Variants in SLC4A9 observed in about 807,000 individuals in gnomAD.
The protein encoded by SLC4A9 is anion exchange protein 4.
Under a neutral mutation model 103.2 loss-of-function variants are expected in SLC4A9, and 102 were observed. That is an observed-to-expected ratio of 0.99 (90% CI 0.84 to 1.17). The LOEUF (loss-of-function observed/expected upper bound fraction) is 1.17, where lower values mean the gene tolerates loss of function less well. Among genes scored for constraint, SLC4A9 ranks in the 50% most tolerant of loss-of-function variants. SLC4A9 has a pLI of 0.00. For synonymous variants in SLC4A9, 453 were observed against 483.6 expected (o/e 0.94, Z 0.83); for missense variants, 1,091 against 1,193.7 (o/e 0.91, Z 1.27).
In SLC4A9 at chr5:140,367,723, G is replaced by A. The variant is rs767479878; in HGVS notation, c.2179G>A (p.Gly727Arg). Residue 727 changes from glycine to arginine, a missense_variant, in exon 16 of 22, where the codon GGA becomes AGA. Coordinates refer to ENST00000506757, the MANE Select transcript of SLC4A9 (RefSeq NM_031467.3). ...TTGCCCCCACCACTACCTGCAGAAG[G>A]GAGCTGGCTTCCACCTGGACCTCTT... ...LNRMEYRLQKGAGFHLDLFCV... is the reference protein window; with the variant it reads ...LNRMEYRLQKRAGFHLDLFCV... The A allele has an allele frequency of 2.5e-5, 40 of 1,613,922 alleles. No homozygotes were observed. Among genetic ancestry groups the A allele is most frequent in the Non-Finnish European group, 3.4e-5 (40 of 1,179,822 alleles).
chr5:140,361,820 C>A lies in SLC4A9; in HGVS notation c.518C>A (p.Pro173Gln). 1.2e-6 allele frequency: 2 copies of A among 1,613,992 alleles called. No individual in the cohort carries two copies. The highest frequency in any genetic ancestry group is 2.2e-5 in the South Asian group (2 of 91,076). ...TCCTGTTTTGTAGGCTCTACTCATC[C>A]AAGAAAGGCTTCTGACAATGAGGAA... ...GTRPCWGSTH[P>Q]RKASDNEEAP... Residue 173 changes from proline to glutamine, a missense_variant, in exon 4 of 22, where the codon CCA becomes CAA. Transcript: ENST00000506757.
chr5:140,372,432 G>A, intron 20 of SLC4A9, 35 bp downstream of exon 20: 2 of 1,600,134 alleles, frequency 1.2e-6, no homozygotes, highest in Non-Finnish European at 1.7e-6. Flanking sequence ...AGGAGAATGT[G>A]TCAGGGTTTG....
intron 1 of SLC4A9, 155 bp downstream of exon 1, chr5:140,360,621 C>T: frequency 1.8e-6 from 2 of 1,122,296 alleles, no homozygotes; most frequent in Non-Finnish European, 2.5e-6. Flanking sequence ...TGATGCCCAG[C>T]CTCCTCTGCA....
Position 140,361,853 on chromosome 5 carries a change from T to C in SLC4A9, c.551T>C (p.Leu184Pro). 1 of 1,613,994 alleles carries C rather than the reference T, an allele frequency of 6.2e-7. No homozygotes were observed. The highest frequency in any genetic ancestry group is 8.5e-7 in the Non-Finnish European group (1 of 1,179,880). Residue 184 changes from leucine to proline, a missense_variant, in exon 4 of 22, where the codon CTG (leucine) becomes CCG (proline). Coordinates refer to ENST00000506757, the MANE Select transcript of SLC4A9 (RefSeq NM_031467.3). ...RKASDNEEAPLREQCQNPLRQ... is the reference protein window; with the variant it reads ...RKASDNEEAPPREQCQNPLRQ... ...GCTTCTGACAATGAGGAAGCCCCCCTGAGGGAACAGGTTTGTGGCCCTTCC... is the reference window on the plus strand; with the variant it reads ...GCTTCTGACAATGAGGAAGCCCCCCCGAGGGAACAGGTTTGTGGCCCTTCC...
Position 140,362,119 on chromosome 5 carries a change from C to A in SLC4A9, c.664C>A (p.Arg222=), listed in dbSNP as rs1045269384. ...FLAQPLGAFV[R]LRNPVVLGSL... ...GGCACAGCCACTGGGAGCCTTTGTT[C>A]GACTGCGGAACCCTGTGGTACTGGG... Residue 222 remains arginine (R), a synonymous_variant, in exon 5 of 22, where the codon CGA becomes AGA. Transcript: ENST00000506757. 4 of 1,576,350 alleles carry A rather than the reference C, an allele frequency of 2.5e-6. No individual in the cohort carries two copies. Among genetic ancestry groups the A allele is most frequent in the Admixed American group, 4.3e-5 (2 of 46,636 alleles).
At chr5:140,374,499 G>A (rs1286208230) in intron 21 of SLC4A9, among the ~76,000 whole-genome samples, 2 of 139,870 alleles carry the variant, frequency 1.4e-5, no homozygotes, top group Non-Finnish European at 3.0e-5. Flanking sequence ...GCAGTGAGCC[G>A]AGATTGCACC....
rs1424783225 is a variant in SLC4A9 at position 140,366,209 on chromosome 5, T to G, written c.1958T>G (p.Leu653Arg). 1 of 1,609,734 alleles carries G rather than the reference T, an allele frequency of 6.2e-7. No individual in the cohort carries two copies. The highest frequency in any genetic ancestry group is 8.5e-7 in the Non-Finnish European group (1 of 1,177,818). ...SVLAILLGCG[L>R]DAFLGLATPK... is the part of the protein sequence containing the mutation. The stretch of plus-strand genomic sequence containing the variant: ...CTGGCCATCCTGCTCGGCTGTGGCC[T>G]TGATGCTTTCCTGGGCCTAGCCACA... Residue 653 changes from leucine (L) to arginine (R), a missense_variant, in exon 14 of 22, where the codon CTT (leucine) becomes CGT (arginine). Physicochemically the swap from Leu to Arg is moderately radical, Grantham distance 102. Coordinates refer to ENST00000506757, the MANE Select transcript of SLC4A9 (RefSeq NM_031467.3).
In SLC4A9 at chr5:140,360,350, T is replaced by C. The variant is rs1766883131; in HGVS notation, c.114T>C (p.Asp38=). Residue 38 remains aspartate, a synonymous_variant, in exon 1 of 22, where the codon GAT becomes GAC. Coordinates refer to ENST00000506757, the MANE Select transcript of SLC4A9 (RefSeq NM_031467.3). ...ACCCTGGCACCGGCCCCAGCCCTGA[T>C]GGCCCCTCAGACACAGAGAGCAAGG... ...NPDPGTGPSP[D]GPSDTESKEL... 4 of 1,611,178 alleles carry C rather than the reference T, an allele frequency of 2.5e-6. No homozygotes were observed. The highest frequency in any genetic ancestry group is 2.5e-6 in the Non-Finnish European group (3 of 1,178,746).
chr5:140,362,142 G>T lies in SLC4A9; in HGVS notation c.687G>T (p.Leu229=). ...AFVRLRNPVV[L]GSLTEVSLPS... ...TTCGACTGCGGAACCCTGTGGTACT[G>T]GGGTCCCTTACTGAGGTGTCCCTCC... Residue 229 remains leucine, a synonymous_variant, in exon 5 of 22, where the codon CTG becomes CTT. Transcript: ENST00000506757. 6.4e-7 allele frequency: 1 copy of T among 1,562,526 alleles called. No individual in the cohort carries two copies. Among genetic ancestry groups the T allele is most frequent in the Non-Finnish European group, 8.6e-7 (1 of 1,162,986 alleles).
intron 21 of SLC4A9, among the ~76,000 whole-genome samples, chr5:140,373,410 A>G (rs2126803811): frequency 6.6e-6 from 1 of 152,270 alleles, no homozygotes; most frequent in East Asian, 1.9e-4. Flanking sequence ...CCAGTGGGAG[A>G]GTAGACAAAT....
In SLC4A9 at chr5:140,364,595, G is replaced by A. The variant is rs373319443; in HGVS notation, c.1621G>A (p.Gly541Arg). 35 of 1,600,936 alleles carry A rather than the reference G, an allele frequency of 2.2e-5. No individual in the cohort carries two copies. The highest frequency in any genetic ancestry group is 9.4e-5 in the African/African-American group (7 of 74,668). ...CCAGAAGCCTGGGTCCTCTGCCTACGGGTGCCTCTGCCAATACCCAGGCCC... is the reference window on the plus strand; with the variant it reads ...CCAGAAGCCTGGGTCCTCTGCCTACAGGTGCCTCTGCCAATACCCAGGCCC... The part of the protein sequence containing the change: ...PIQKPGSSAY[G>R]CLCQYPGPGG... Residue 541 changes from glycine (G) to arginine (R), a missense_variant, in exon 11 of 22, where the codon GGG (glycine) becomes AGG (arginine). Physicochemically the swap from Gly to Arg is moderately radical, Grantham distance 125. Coordinates refer to ENST00000506757, the MANE Select transcript of SLC4A9 (RefSeq NM_031467.3).
chr5:140,367,525 T>G lies in SLC4A9; in HGVS notation c.2119T>G (p.Phe707Val). The G allele has an allele frequency of 6.2e-7, 1 of 1,604,598 alleles. No homozygotes were observed. The highest frequency in any genetic ancestry group is 2.2e-5 in the East Asian group (1 of 44,446). The stretch of plus-strand genomic sequence containing the variant: ...TGCCCTGCTGCTGTCTATCCTCATC[T>G]TCATGGACCAACAGATCACAGCAGT... ...LPALLLSILI[F>V]MDQQITAVIL... The change falls in exon 15 of 22, where the codon TTC (phenylalanine) becomes GTC (valine). Residue 707 changes from phenylalanine (F) to valine (V), a missense_variant. Physicochemically the swap from Phe to Val is conservative, Grantham distance 50. Transcript: ENST00000506757.
intron 3 of SLC4A9, 102 bp from the exon 4 acceptor site, chr5:140,361,706 T>C: frequency 7.7e-7 from 1 of 1,305,476 alleles, no homozygotes; most frequent in South Asian, 1.2e-5. Context: ...AAGGGTATAC[T>C]CTAATTCTTA....
rs1315203737 is a variant in SLC4A9, at chr5:140,372,829, A to T, written c.*31A>T. The T allele has an allele frequency of 6.5e-7, 1 of 1,530,884 alleles. No individual in the cohort carries two copies. Among genetic ancestry groups the T allele is most frequent in the African/African-American group, 1.4e-5 (1 of 72,578 alleles). 94.8% of individuals were successfully genotyped at this position (1,530,884 alleles called of 1,614,324 possible). A position where few individuals can be genotyped will look rare whatever the true frequency, so the allele number is the denominator to read the frequency against. On this transcript the variant is annotated 3_prime_UTR_variant, in exon 21 of 22. Transcript: ENST00000506757. Reference sequence around the variant, plus strand: ...GTAGGAGTCTGGGAGTGGAGACCCCAGGAAACAGCATGAGGTGAGGGTGTG... The same window carrying T: ...GTAGGAGTCTGGGAGTGGAGACCCCTGGAAACAGCATGAGGTGAGGGTGTG...
chr5:140,364,228 A>G, intron 10 of SLC4A9, 41 bp downstream of exon 10: 1 of 1,569,784 alleles, frequency 6.4e-7, no homozygotes, highest in Non-Finnish European at 8.7e-7. Context: ...CACTAGTGCC[A>G]TGGTCAGCCT....
In SLC4A9 at chr5:140,367,483, G is replaced by C; in HGVS notation, c.2077G>C (p.Val693Leu). The C allele has an allele frequency of 6.2e-7, 1 of 1,607,154 alleles. No homozygotes were observed. The highest frequency in any genetic ancestry group is 8.5e-7 in the Non-Finnish European group (1 of 1,177,344). The change falls in exon 15 of 22, where the codon GTG (valine) becomes CTG (leucine). Residue 693 changes from valine to leucine, a missense_variant. By Grantham distance (32) the Val-to-Leu change is conservative (BLOSUM62 1). Transcript: ENST00000506757. ...PFGANPWWWS[V>L]AAALPALLLS... ...TGGAGCCAACCCCTGGTGGTGGAGT[G>C]TGGCAGCTGCCCTGCCTGCCCTGCT...
In SLC4A9 at chr5:140,361,247, T is replaced by G. The variant is rs1767031741; in HGVS notation, c.392-7T>G. On this transcript the variant is annotated splice_polypyrimidine_tract_variant and splice_region_variant and intron_variant, in intron 2 of 21. Transcript: ENST00000506757. ...AGGAAGGAGATGACCCCCAATCCAT[T>G]CTCCAGAGCAGGTGACCAGGGTGGA... The G allele has an allele frequency of 6.4e-7, 1 of 1,557,586 alleles. No homozygotes were observed. Among genetic ancestry groups the G allele is most frequent in the Non-Finnish European group, 8.7e-7 (1 of 1,150,316 alleles).
In SLC4A9 at chr5:140,363,063, A is replaced by G. The variant is rs750551590; in HGVS notation, c.959A>G (p.Lys320Arg). The G allele has an allele frequency of 5.0e-6, 8 of 1,613,022 alleles. No homozygotes were observed. Among genetic ancestry groups the G allele is most frequent in the Middle Eastern group, 3.3e-4 (2 of 6,032 alleles). ...PPPKCLPSQH[K>R]RLPSQQREIR... is the part of the protein sequence containing the mutation. ...CCCAAATGTCTGCCATCTCAGCACA[A>G]AAGGTACCTGGGAGCCATCATCCCA... Residue 320 changes from lysine to arginine, a missense_variant, in exon 7 of 22, where the codon AAA becomes AGA. By Grantham distance (26) the Lys-to-Arg change is conservative. Coordinates refer to ENST00000506757, the MANE Select transcript of SLC4A9 (RefSeq NM_031467.3). The surrounding 1 kb of genome is among the most constrained non-coding windows in gnomAD (Gnocchi z 4.5).
At position 140,372,389 on chromosome 5, in the gene SLC4A9, A is replaced by G. The variant is rs991853633; in HGVS notation, c.2818A>G (p.Ser940Gly). The G allele has an allele frequency of 1.9e-6, 3 of 1,609,818 alleles. No homozygotes were observed. The highest frequency in any genetic ancestry group is 2.5e-6 in the Non-Finnish European group (3 of 1,178,924). Reference sequence around the variant, plus strand: ...AGAACACTCATTCAGTGGAAGTGACAGTGAAGATGTGAGCTCCAGGCTGGG... The same window carrying G: ...AGAACACTCATTCAGTGGAAGTGACGGTGAAGATGTGAGCTCCAGGCTGGG... ...EPEHSFSGSD[S>G]EDSELMYQPK... The change falls in exon 20 of 22, where the codon AGT becomes GGT. Residue 940 changes from serine (S) to glycine (G), a missense_variant. Physicochemically the swap from Ser to Gly is moderately conservative, Grantham distance 56. Transcript: ENST00000506757.
Sources: allele counts gnomAD v4.1 joint callset (sites outside exome capture counted in the v4.1 genomes callset), GRCh38; gene constraint gnomAD v4.1.1; non-coding constraint Gnocchi (gnomAD v3.1); transcripts MANE v1.5; gene names NCBI Gene and HGNC (gene_info 2026-07-23, HGNC 2026-07-21).